PLXDC2: variants seen among roughly 807,000 people sequenced by gnomAD.
PLXDC2 encodes plexin domain-containing protein 2.
PLXDC2 carries 40 observed loss-of-function variants against 68.9 expected under a neutral mutation model. The observed-to-expected ratio is 0.58, with a 90% confidence interval of 0.45 to 0.76. PLXDC2 has a LOEUF of 0.76. PLXDC2 is among the 30% of genes least tolerant of loss of function. The probability of loss-of-function intolerance (pLI) is 0.00; values close to 1 mark genes in which losing one functional copy is unlikely to be tolerated. For missense variants in PLXDC2, 644 were observed against 661.9 expected (o/e 0.97, Z 0.30); for synonymous variants, 243 against 234.2 (o/e 1.04, Z -0.34).
intron 1 of PLXDC2, among the ~76,000 whole-genome samples, chr10:19,917,779 G>T (rs890262719): frequency 6.6e-5 from 10 of 152,128 alleles, no homozygotes; most frequent in Admixed American, 4.6e-4. Flanking sequence ...TCATCTGAAT[G>T]CATTACGATA....
chr10:19,988,758 G>T (rs1447641046), intron 1 of PLXDC2, among the ~76,000 whole-genome samples: 19 of 129,012 alleles, frequency 1.5e-4, no homozygotes, highest in African/African-American at 5.6e-4. Flanking sequence ...TCAAGTTAGG[G>T]TTAAGTTAAT....
intron 9 of PLXDC2, among the ~76,000 whole-genome samples, chr10:20,206,525 G>A (rs1834994974): frequency 1.3e-5 from 2 of 152,092 alleles, no homozygotes; most frequent in South Asian, 2.1e-4. Context: ...CAGCACCTTC[G>A]GGGAAGGGAA....
At chr10:20,144,722 GGGAGTCTATCCTAC>G (rs1834050308) in intron 5 of PLXDC2, among the ~76,000 whole-genome samples, 1 of 152,054 alleles carries the variant, frequency 6.6e-6, no homozygotes, top group Non-Finnish European at 1.5e-5. Flanking sequence ...AAATTGCCTT[GGGAGTCTATCCTAC>G]GGAAACAATA....
intron 2 of PLXDC2, among the ~76,000 whole-genome samples, chr10:20,022,152 A>G (rs901335528): frequency 4.6e-5 from 7 of 152,222 alleles, no homozygotes; most frequent in African/African-American, 1.7e-4. Flanking sequence ...ACTGTCATCT[A>G]GAAATTCAGA....
chr10:19,853,867 T>C (rs1161857681), intron 1 of PLXDC2, among the ~76,000 whole-genome samples: 1 of 152,226 alleles, frequency 6.6e-6, no homozygotes, highest in East Asian at 1.9e-4. Flanking sequence ...CTCCCATCTT[T>C]TGTGTCTCTT....
At chr10:19,939,048 T>C (rs1833773150) in intron 1 of PLXDC2, among the ~76,000 whole-genome samples, 1 of 152,156 alleles carries the variant, frequency 6.6e-6, no homozygotes, top group African/African-American at 2.4e-5. Context: ...GAGGGAGTAA[T>C]ATCCTGTAAT....
intron 1 of PLXDC2, among the ~76,000 whole-genome samples, chr10:19,826,991 G>C (rs1836585046): frequency 6.6e-6 from 1 of 152,136 alleles, no homozygotes; most frequent in African/African-American, 2.4e-5. Context: ...GTAATCTGCT[G>C]GTCCACAACT....
At chr10:19,895,595 G>T (rs1398278149) in intron 1 of PLXDC2, among the ~76,000 whole-genome samples, 1 of 151,958 alleles carries the variant, frequency 6.6e-6, no homozygotes, top group Non-Finnish European at 1.5e-5. Flanking sequence ...TGTGTATTTT[G>T]CACTTACAGC....
chr10:19,916,302 C>T (rs1199024420), intron 1 of PLXDC2, among the ~76,000 whole-genome samples: 2 of 150,346 alleles, frequency 1.3e-5, no homozygotes, highest in Non-Finnish European at 3.0e-5. Context: ...CACCTCACCA[C>T]GCCTGGCTCA....
At chr10:20,034,087 A>G (rs1217048792) in intron 2 of PLXDC2, among the ~76,000 whole-genome samples, 1 of 152,050 alleles carries the variant, frequency 6.6e-6, no homozygotes, top group Non-Finnish European at 1.5e-5. Flanking sequence ...ATAAAGAGAG[A>G]CTCCTTCAAG....
rs140248801 is a variant in PLXDC2, at chr10:20,015,631, T to C, written c.324+13645T>C. ...CCTTAAACTTTATATGCTCTCCAGT[T>C]TGTGGCTCTGGAAGACAAGGAAGAG... On this transcript the variant is annotated intron_variant, in intron 2 of 13. Coordinates refer to ENST00000377252, the MANE Select transcript of PLXDC2 (RefSeq NM_032812.9). 2.3e-3 allele frequency among the ~76,000 whole-genome samples: 354 copies of C among 152,174 alleles called. 2 individuals are homozygous for C. Among genetic ancestry groups the C allele is most frequent in the Admixed American group, 2.9e-3 (44 of 15,280 alleles).
rs527404114 is a variant in PLXDC2, at chr10:20,029,933, T to C, written c.325-16936T>C. The stretch of plus-strand genomic sequence containing the variant: ...TGAGTTGGCAACAAGGTTTTCCCTC[T>C]TCTAAGATGTGATCCTAGAAGAATT... On this transcript the variant is annotated intron_variant, in intron 2 of 13. Transcript: ENST00000377252. Among the ~76,000 whole-genome samples the C allele has an allele frequency of 1.5e-4, 23 of 152,342 alleles. 1 individual carries two copies. The South Asian group carries it at 4.6e-3, about 30-fold the overall frequency.
At chr10:20,148,822 G>A (rs1012974114) in intron 6 of PLXDC2, among the ~76,000 whole-genome samples, 2 of 152,126 alleles carry the variant, frequency 1.3e-5, no homozygotes, top group African/African-American at 2.4e-5. Context: ...ATTATAAAAG[G>A]GATGTTGAGG....
chr10:19,921,650 C>T (rs1443442184), intron 1 of PLXDC2, among the ~76,000 whole-genome samples: 1 of 152,174 alleles, frequency 6.6e-6, no homozygotes, highest in Non-Finnish European at 1.5e-5. Context: ...TTCCCTCTTC[C>T]TTAAGGTTGC....
At chr10:20,057,289 T>G (rs1281773060) in intron 3 of PLXDC2, among the ~76,000 whole-genome samples, 1 of 152,182 alleles carries the variant, frequency 6.6e-6, no homozygotes, top group Non-Finnish European at 1.5e-5. Context: ...ATAATCTTAA[T>G]TCTTGTGAAA....
Position 20,287,368 on chromosome 10 carries a change from T to G in PLXDC2, c.*7549T>G, listed in dbSNP as rs1836169922. On this transcript the variant is annotated 3_prime_UTR_variant, in exon 14 of 14. Transcript: ENST00000377252. The stretch of plus-strand genomic sequence containing the variant: ...AGGCAAAAAAATCAATAAAATAATT[T>G]TCCTGAGGAAAGGTTAAGAGATGGC... 1 of 152,174 alleles carries G rather than the reference T, an allele frequency of 6.6e-6. No homozygotes were observed. 9.4% of individuals were successfully genotyped at this position (152,174 alleles called of 1,614,324 possible).
intron 6 of PLXDC2, 72 bp downstream of exon 6, chr10:20,147,974 A>G: frequency 9.3e-7 from 1 of 1,073,348 alleles, no homozygotes; most frequent in East Asian, 2.4e-5. Flanking sequence ...AAATGTCAAG[A>G]AAGGGACATT....
chr10:19,926,339 A>C (rs900804206), intron 1 of PLXDC2, among the ~76,000 whole-genome samples: 8 of 152,158 alleles, frequency 5.3e-5, no homozygotes, highest in Non-Finnish European at 1.0e-4. Flanking sequence ...AGTTTTATGG[A>C]AATTACAGTT....
chr10:19,957,481 G>A lies in PLXDC2; in HGVS notation c.113-44294G>A, dbSNP rs564371603. Among the ~76,000 whole-genome samples, 11 of 152,204 alleles carry A rather than the reference G, an allele frequency of 7.2e-5. 1 individual carries two copies. The East Asian group carries it at 1.9e-3, about 27-fold the overall frequency. ...CATGTATAGAATTTTACAAAAATTA[G>A]GTCAATTTTGTAAGGTTTTTAACTT... On this transcript the variant is annotated intron_variant, in intron 1 of 13. Transcript: ENST00000377252.
Sources: gnomAD v4.1 joint callset for allele counts (sites outside exome capture counted in the v4.1 genomes callset) on GRCh38, gnomAD v4.1.1 for gene constraint, MANE v1.5 for transcripts, NCBI Gene and HGNC (gene_info 2026-07-23, HGNC 2026-07-21) for gene names.